The following SNX29 variants were observed in gnomAD, a reference collection of about 807,000 sequenced individuals.
SNX29 encodes the protein sorting nexin-29.
In SNX29, 78 loss-of-function variants were observed where a neutral mutation model predicts 102.1. That is an observed-to-expected ratio of 0.76 (90% CI 0.64 to 0.92). SNX29 has a LOEUF of 0.92. SNX29 is among the 40% of genes least tolerant of loss of function. The pLI, the probability that SNX29 is intolerant of heterozygous loss-of-function variation, is 0.00. For missense variants in SNX29, 1,280 were observed against 1,061.7 expected, an observed-to-expected ratio of 1.21 and a Z score of -2.86; for synonymous variants, 580 against 414.5, an observed-to-expected ratio of 1.40 and a Z score of -4.85.
rs556270637 is a variant in SNX29, at chr16:12,572,817, G to C, written c.*4188G>C. ...CCCCAGTACATCAGACTGGTTAGGAGGCATCCCAGAAGGGGCAGCCTCATG... is the reference window on the plus strand; with the variant it reads ...CCCCAGTACATCAGACTGGTTAGGACGCATCCCAGAAGGGGCAGCCTCATG... On this transcript the variant is annotated 3_prime_UTR_variant, in exon 21 of 21. Transcript: ENST00000566228. The C allele has an allele frequency of 1.9e-6, 2 of 1,063,964 alleles. No homozygotes were observed. The highest frequency in any genetic ancestry group is 2.3e-6 in the Non-Finnish European group (2 of 878,396). The allele number at this position is 1,063,964 out of a possible 1,614,324, so 65.9% of individuals were successfully genotyped here. A position where few individuals can be genotyped will look rare whatever the true frequency, so the allele number is the denominator to read the frequency against.
At chr16:12,164,655 T>A (rs2055932815) in intron 13 of SNX29, among the ~76,000 whole-genome samples, 1 of 151,894 alleles carries the variant, frequency 6.6e-6, no homozygotes, top group Admixed American at 6.6e-5. Context: ...GGCAGCAGAA[T>A]TCATATAAGT....
chr16:12,009,906 C>T (rs1056736585), intron 3 of SNX29, among the ~76,000 whole-genome samples: 7 of 152,216 alleles, frequency 4.6e-5, no homozygotes, highest in African/African-American at 7.2e-5. Context: ...TTGTCCCATA[C>T]GGAATCAGAG....
intron 18 of SNX29, among the ~76,000 whole-genome samples, chr16:12,443,666 G>T (rs975945478): frequency 2.6e-5 from 4 of 152,202 alleles, no homozygotes; most frequent in African/African-American, 9.7e-5. Flanking sequence ...GACCAGGCTG[G>T]TCTCAAACTC....
intron 20 of SNX29, among the ~76,000 whole-genome samples, chr16:12,544,706 A>G (rs570220985): frequency 1.9e-3 from 286 of 152,294 alleles, no homozygotes; most frequent in Non-Finnish European, 2.9e-3. Context: ...TTCCTCCACC[A>G]TCCCTTTAAT....
intron 1 of SNX29, among the ~76,000 whole-genome samples, chr16:11,992,588 T>G (rs1344663674): frequency 6.6e-6 from 1 of 152,008 alleles, no homozygotes; most frequent in East Asian, 1.9e-4. Flanking sequence ...AATTGTTCAG[T>G]GAGCTTGCCC....
chr16:12,208,364 T>C (rs2077098482), intron 14 of SNX29, among the ~76,000 whole-genome samples: 1 of 152,104 alleles, frequency 6.6e-6, no homozygotes, highest in Non-Finnish European at 1.5e-5. Context: ...ATCTTCTCAC[T>C]CATTTGTGTG....
chr16:12,229,081 C>T (rs921878690), intron 14 of SNX29, among the ~76,000 whole-genome samples: 3 of 152,248 alleles, frequency 2.0e-5, no homozygotes, highest in African/African-American at 7.2e-5. Context: ...CATTCCCTGG[C>T]CTGCCAGGAT....
chr16:12,554,262 G>A (rs1201367343), intron 20 of SNX29, among the ~76,000 whole-genome samples: 1 of 152,200 alleles, frequency 6.6e-6, no homozygotes, highest in African/African-American at 2.4e-5. Context: ...TCTGCCTTTT[G>A]GTGCATCTGT....
chr16:12,306,456 C>T (rs2080342527), intron 15 of SNX29, among the ~76,000 whole-genome samples: 1 of 152,068 alleles, frequency 6.6e-6, no homozygotes, highest in African/African-American at 2.4e-5. Flanking sequence ...ATTAAACAGA[C>T]ATTTAATTCA....
chr16:12,062,377 A>AAAATAAATAAATAAATAAAT (rs34207508), intron 9 of SNX29, among the ~76,000 whole-genome samples: 13 of 137,642 alleles, frequency 9.4e-5, no homozygotes, highest in East Asian at 2.1e-4. Flanking sequence ...ACTCTGTCTC[A>AAAATAAATAAATAAATAAAT]AAATAAATAA....
At chr16:12,536,051 G>A (rs1341278438) in intron 20 of SNX29, among the ~76,000 whole-genome samples, 3 of 152,096 alleles carry the variant, frequency 2.0e-5, no homozygotes, top group Admixed American at 6.5e-5. Context: ...CATGAGCTGA[G>A]CCCTTTGTCT....
chr16:12,321,636 G>C lies in SNX29; in HGVS notation c.1783-34527G>C, dbSNP rs1277807936. ...AGCAGATGAGCTCAAAGAGGGCGCT[G>C]AGAGCTGGGCTGAAAGCGCACGCTG... is the stretch of plus-strand genomic sequence containing the variant. On this transcript the variant is annotated intron_variant, in intron 15 of 20. Coordinates refer to ENST00000566228, the MANE Select transcript of SNX29 (RefSeq NM_032167.5). Among the ~76,000 whole-genome samples, 3 of 152,178 alleles carry C rather than the reference G, an allele frequency of 2.0e-5. No individual in the cohort carries two copies. In the East Asian group the frequency reaches 5.8e-4, roughly 29 times the overall value.
chr16:12,012,357 T>A lies in SNX29; in HGVS notation c.122+9314T>A, dbSNP rs184139636. Among the ~76,000 whole-genome samples the A allele has an allele frequency of 4.6e-5, 7 of 152,262 alleles. No individual in the cohort carries two copies. In the East Asian group the frequency reaches 1.3e-3, roughly 29 times the overall value. ...GTTGGAAAGTCAGCAGGTTCTTCTC[T>A]GCTATCACAGGGAAGTATTGGAATG... On this transcript the variant is annotated intron_variant, in intron 3 of 20. Transcript: ENST00000566228.
chr16:12,055,479 CCTCAGCCTCCCAG>C (rs1362318766), intron 8 of SNX29, among the ~76,000 whole-genome samples: 1 of 152,136 alleles, frequency 6.6e-6, no homozygotes, highest in Non-Finnish European at 1.5e-5. Context: ...GATCCACCCA[CCTCAGCCTCCCAG>C]AGTGCTGGGA....
At chr16:12,170,462 G>C (rs533158893) in intron 13 of SNX29, among the ~76,000 whole-genome samples, 2 of 152,098 alleles carry the variant, frequency 1.3e-5, no homozygotes, top group African/African-American at 4.8e-5. Context: ...GGTCATCAGT[G>C]GGGGAGGCGT....
chr16:12,553,846 G>T (rs973071118), intron 20 of SNX29, among the ~76,000 whole-genome samples: 1 of 151,880 alleles, frequency 6.6e-6, no homozygotes. Context: ...TAGGTCTACC[G>T]AAAGTGCTGG....
intron 19 of SNX29, among the ~76,000 whole-genome samples, chr16:12,478,952 A>AG (rs2087782813): frequency 6.6e-6 from 1 of 152,218 alleles, no homozygotes; most frequent in Non-Finnish European, 1.5e-5. Flanking sequence ...ATAGCTTGGC[A>AG]GGGACAGTCT....
At chr16:12,551,743 C>T (rs559696978) in intron 20 of SNX29, among the ~76,000 whole-genome samples, 29 of 152,236 alleles carry the variant, frequency 1.9e-4, no homozygotes, top group Non-Finnish European at 2.9e-4. Flanking sequence ...ACAAGAAATA[C>T]TTCCTGGCTG....
intron 20 of SNX29, among the ~76,000 whole-genome samples, chr16:12,555,538 G>T (rs1479793050): frequency 6.6e-6 from 1 of 151,272 alleles, no homozygotes; most frequent in Non-Finnish European, 1.5e-5. Context: ...CTCTCTGGGA[G>T]GTCATACCGT....
Sources: gnomAD v4.1 joint callset for allele counts (sites outside exome capture counted in the v4.1 genomes callset) on GRCh38, gnomAD v4.1.1 for gene constraint, MANE v1.5 for transcripts, NCBI Gene and HGNC (gene_info 2026-07-23, HGNC 2026-07-21) for gene names.